Variants in SHC4 observed in about 807,000 individuals in gnomAD.
SHC4 encodes the protein SHC adaptor protein 4, also known as SHC-transforming protein 4.
Under a neutral mutation model 69.4 loss-of-function variants are expected in SHC4, and 41 were observed. The ratio of observed to expected loss-of-function variants is 0.59; its 90% CI spans 0.46 to 0.77. The LOEUF is 0.77. SHC4 is among the 30% of genes least tolerant of loss of function. The probability of loss-of-function intolerance (pLI) is 0.00; values close to 1 mark genes in which losing one functional copy is unlikely to be tolerated. For synonymous variants in SHC4, 318 were observed against 299.3 expected (o/e 1.06, Z -0.64); for missense variants, 777 against 783.8 (o/e 0.99, Z 0.10).
At chr15:48,889,021 A>T (rs1190142153) in intron 3 of SHC4, among the ~76,000 whole-genome samples, 1 of 152,232 alleles carries the variant, frequency 6.6e-6, no homozygotes, top group African/African-American at 2.4e-5. Flanking sequence ...TACTCAATAC[A>T]TGCCAGCTGT....
At chr15:48,885,261 G>A (rs986567511) in intron 3 of SHC4, among the ~76,000 whole-genome samples, 1 of 152,126 alleles carries the variant, frequency 6.6e-6, no homozygotes, top group African/African-American at 2.4e-5. Context: ...AGGCAGAAAT[G>A]CCACTTACCA....
At chr15:48,826,721 CAT>C (rs1705679832) in intron 11 of SHC4, among the ~76,000 whole-genome samples, 1 of 152,146 alleles carries the variant, frequency 6.6e-6, no homozygotes, top group African/African-American at 2.4e-5. Context: ...TGTATACAAG[CAT>C]GAATCCCAGG....
Position 48,962,498 on chromosome 15 carries a change from A to G in SHC4, c.518T>C (p.Leu173Pro). Residue 173 changes from leucine (L) to proline (P), a missense_variant, in exon 1 of 12, where the codon CTT becomes CCT. Physicochemically the swap from Leu to Pro is moderately conservative, Grantham distance 98. Coordinates refer to ENST00000332408, the MANE Select transcript of SHC4 (RefSeq NM_203349.4). Reference protein sequence around the residue: ...CPLPGPGEPTLRSRQDRHFLQ... With the variant: ...CPLPGPGEPTPRSRQDRHFLQ... ...AAAGTGCCTGTCCTGCCTGCTCCTA[A>G]GTGTTGGCTCCCCAGGGCCAGGAAG... 6.4e-7 allele frequency: 1 copy of G among 1,562,010 alleles called. No homozygotes were observed. The highest frequency in any genetic ancestry group is 8.7e-7 in the Non-Finnish European group (1 of 1,155,072).
chr15:48,929,589 T>C (rs1595761238), intron 1 of SHC4, among the ~76,000 whole-genome samples: 1 of 152,308 alleles, frequency 6.6e-6, no homozygotes, highest in African/African-American at 2.4e-5. Flanking sequence ...AAAGAGGAGT[T>C]ATCCTGCTGG....
At chr15:48,944,807 T>C (rs1006150675) in intron 1 of SHC4, among the ~76,000 whole-genome samples, 1 of 152,206 alleles carries the variant, frequency 6.6e-6, no homozygotes, top group Non-Finnish European at 1.5e-5. Context: ...TCGAATCAGT[T>C]CAGCAGCTCT....
At chr15:48,959,729 C>T (rs903610554) in intron 1 of SHC4, among the ~76,000 whole-genome samples, 1 of 152,194 alleles carries the variant, frequency 6.6e-6, no homozygotes, top group Non-Finnish European at 1.5e-5. Context: ...AACTTTGGTT[C>T]ATTTGGTATG....
chr15:48,909,647 A>G (rs1430581422), intron 2 of SHC4, among the ~76,000 whole-genome samples: 4 of 152,090 alleles, frequency 2.6e-5, no homozygotes, highest in African/African-American at 4.8e-5. Context: ...CTCAGAGGGA[A>G]TGTTTTCAAA....
intron 2 of SHC4, among the ~76,000 whole-genome samples, chr15:48,922,667 T>G (rs1900772664): frequency 6.6e-6 from 1 of 152,196 alleles, no homozygotes; most frequent in African/African-American, 2.4e-5. Flanking sequence ...ACATAAATGT[T>G]GAGGGGACAT....
At chr15:48,880,985 AGTGTGTGT>A (rs10523567) in intron 4 of SHC4, among the ~76,000 whole-genome samples, 9,998 of 146,014 alleles carry the variant, frequency 0.068, 397 homozygotes, top group Middle Eastern at 0.17. Context: ...TGTGTGTGAG[AGTGTGTGT>A]GTGTGTGTGT....
Position 48,856,073 on chromosome 15 carries a change from ATAT to A in SHC4, c.1119_1121del (p.Glu373_Tyr374delinsAsp), listed in dbSNP as rs777970155. ...GCTGCTTCCCTGGAATTTCATTGTA[ATAT>A]TCATGATCTTCTCTCTCCTCGGCAT... On this transcript the variant is annotated inframe_deletion, in exon 8 of 12. Transcript: ENST00000332408. The A allele has an allele frequency of 5.6e-6, 9 of 1,613,806 alleles. No homozygotes were observed. Among genetic ancestry groups the A allele is most frequent in the African/African-American group, 1.3e-5 (1 of 74,902 alleles).
At position 48,834,837 on chromosome 15, in the gene SHC4, G is replaced by A. The variant is rs1898870168; in HGVS notation, c.1669C>T (p.Gln557Ter). Reference sequence around the variant, plus strand: ...CCCTGTAGTCCACTCAGCACATATTGGCCAGGGGATGTTGCACTCTCTCGA... The same window carrying A: ...CCCTGTAGTCCACTCAGCACATATTAGCCAGGGGATGTTGCACTCTCTCGA... ...LVRESATSPG[Q>*]YVLSGLQGGQ... Residue 557 changes from glutamine (Q) to a stop codon, truncating the protein, a stop_gained, in exon 11 of 12, where the codon CAA becomes TAA. Transcript: ENST00000332408. LOFTEE classifies it high-confidence loss of function. 1 of 1,614,126 alleles carries A rather than the reference G, an allele frequency of 6.2e-7. No homozygotes were observed. Among genetic ancestry groups the A allele is most frequent in the Non-Finnish European group, 8.5e-7 (1 of 1,180,018 alleles).
intron 1 of SHC4, among the ~76,000 whole-genome samples, chr15:48,949,449 A>G (rs896201964): frequency 1.3e-5 from 2 of 151,396 alleles, no homozygotes; most frequent in Non-Finnish European, 2.9e-5. Context: ...CGATCTCTCT[A>G]TCTCTTTACA....
At chr15:48,833,535 C>G (rs1223024108) in intron 11 of SHC4, among the ~76,000 whole-genome samples, 1 of 152,142 alleles carries the variant, frequency 6.6e-6, no homozygotes, top group African/African-American at 2.4e-5. Flanking sequence ...GAAGGAGAAC[C>G]TTCAAGTTGT....
intron 1 of SHC4, among the ~76,000 whole-genome samples, chr15:48,951,104 G>A (rs1046814443): frequency 2.6e-5 from 4 of 151,952 alleles, no homozygotes; most frequent in African/African-American, 4.8e-5. Flanking sequence ...TCCATTCCAC[G>A]GGCCTTGATG....
chr15:48,885,516 T>C (rs1283190885), intron 3 of SHC4, among the ~76,000 whole-genome samples: 3 of 152,208 alleles, frequency 2.0e-5, no homozygotes, highest in Non-Finnish European at 4.4e-5. Context: ...TGATGGATGC[T>C]TGGATTAAGT....
At chr15:48,868,166 T>C (rs1899599486) in intron 5 of SHC4, among the ~76,000 whole-genome samples, 1 of 152,208 alleles carries the variant, frequency 6.6e-6, no homozygotes, top group Non-Finnish European at 1.5e-5. Context: ...ACATATTCTT[T>C]AAAACTGGCT....
At chr15:48,826,906 A>G (rs1049594074) in intron 11 of SHC4, among the ~76,000 whole-genome samples, 1 of 152,192 alleles carries the variant, frequency 6.6e-6, no homozygotes, top group Admixed American at 6.5e-5. Context: ...TCCTTCCCAC[A>G]GACTTCATAG....
chr15:48,889,287 A>G (rs1900091101), intron 3 of SHC4, among the ~76,000 whole-genome samples: 1 of 152,238 alleles, frequency 6.6e-6, no homozygotes, highest in Non-Finnish European at 1.5e-5. Flanking sequence ...ATGGAATTTA[A>G]GAGCCATTTG....
intron 6 of SHC4, among the ~76,000 whole-genome samples, chr15:48,859,145 T>G (rs188149944): frequency 9.2e-5 from 14 of 152,324 alleles, no homozygotes; most frequent in Admixed American, 9.2e-4. Flanking sequence ...TTCATTCACA[T>G]CTAACAGAAT....
Sources: gnomAD v4.1 joint callset for allele counts (sites outside exome capture counted in the v4.1 genomes callset) on GRCh38, gnomAD v4.1.1 for gene constraint, MANE v1.5 for transcripts, NCBI Gene and HGNC (gene_info 2026-07-23, HGNC 2026-07-21) for gene names.